ENTREP2: variants seen among roughly 807,000 people sequenced by gnomAD.
ENTREP2 encodes protein ENTREP2.
the ENTREP2 span, among the ~76,000 whole-genome samples, chr15:29,523,616 A>T: frequency 8.5e-6 from 1 of 117,866 alleles, no homozygotes; most frequent in Admixed American, 1.1e-4. Context: ...TTGATCCTGT[A>T]ATTCATACGG....
chr15:29,313,371 C>G, the ENTREP2 span, among the ~76,000 whole-genome samples: 1 of 152,198 alleles, frequency 6.6e-6, no homozygotes, highest in Non-Finnish European at 1.5e-5. Context: ...TGACGCCTGG[C>G]TTCAAAGCTT....
chr15:29,279,631 G>C, the ENTREP2 span, among the ~76,000 whole-genome samples: 1 of 152,048 alleles, frequency 6.6e-6, no homozygotes, highest in Non-Finnish European at 1.5e-5. Flanking sequence ...CCAAAGTGCT[G>C]GGATTACAGG....
the ENTREP2 span, among the ~76,000 whole-genome samples, chr15:29,290,266 C>A: frequency 6.6e-5 from 10 of 152,216 alleles, no homozygotes; most frequent in Non-Finnish European, 1.5e-4. Context: ...GCAGTCTGTT[C>A]CTTGAGTGTG....
At chr15:29,485,594 A>G in the ENTREP2 span, among the ~76,000 whole-genome samples, 1 of 152,216 alleles carries the variant, frequency 6.6e-6, no homozygotes, top group Admixed American at 6.5e-5. Context: ...AAACCATGAA[A>G]GGAAAGGCTG....
At chr15:29,173,022 T>C in the ENTREP2 span, among the ~76,000 whole-genome samples, 4 of 152,166 alleles carry the variant, frequency 2.6e-5, no homozygotes, top group African/African-American at 9.7e-5. Context: ...TTCTGCCTCA[T>C]TTCCACGGAG....
the ENTREP2 span, among the ~76,000 whole-genome samples, chr15:29,402,150 G>A: frequency 6.6e-6 from 1 of 152,012 alleles, no homozygotes; most frequent in African/African-American, 2.4e-5. Flanking sequence ...AAAGGATTAT[G>A]TATTTTGGAA....
the ENTREP2 span, among the ~76,000 whole-genome samples, chr15:29,520,703 A>C: frequency 2.1e-4 from 32 of 152,356 alleles, 1 homozygote; most frequent in South Asian, 6.6e-3. Flanking sequence ...CTAATAAGTG[A>C]GTTTAGGTTA....
the ENTREP2 span, among the ~76,000 whole-genome samples, chr15:29,149,906 G>T: frequency 6.6e-6 from 1 of 152,224 alleles, no homozygotes; most frequent in Non-Finnish European, 1.5e-5. Context: ...AAGCCAGGGT[G>T]TGAGGCAAAC....
the ENTREP2 span, among the ~76,000 whole-genome samples, chr15:29,461,378 T>C: frequency 3.9e-5 from 6 of 152,176 alleles, no homozygotes; most frequent in African/African-American, 1.4e-4. Context: ...GCCCAAAATA[T>C]CCCAATATTT....
chr15:29,147,375 T>G, the ENTREP2 span, among the ~76,000 whole-genome samples: 1 of 151,840 alleles, frequency 6.6e-6, no homozygotes, highest in East Asian at 1.9e-4. Context: ...TGGTTATAAT[T>G]AAAAGAAAGA....
At chr15:29,567,151 G>A in the ENTREP2 span, among the ~76,000 whole-genome samples, 647 of 152,246 alleles carry the variant, frequency 4.2e-3, 2 homozygotes, top group African/African-American at 0.015. Context: ...GCACAGCCCG[G>A]CACAGGAAAA....
the ENTREP2 span, among the ~76,000 whole-genome samples, chr15:29,580,911 C>T: frequency 7.0e-4 from 107 of 152,146 alleles, no homozygotes; most frequent in African/African-American, 2.5e-3. Context: ...AAAATGCTCC[C>T]CCTTTTAAGC....
At chr15:29,520,235 A>C in the ENTREP2 span, among the ~76,000 whole-genome samples, 5 of 152,248 alleles carry the variant, frequency 3.3e-5, no homozygotes, top group Non-Finnish European at 7.3e-5. Flanking sequence ...TACAACCTAC[A>C]AATTGAAGAA....
the ENTREP2 span, among the ~76,000 whole-genome samples, chr15:29,419,643 CAAAAG>C: frequency 1.3e-5 from 2 of 152,064 alleles, no homozygotes; most frequent in Non-Finnish European, 1.5e-5. Flanking sequence ...GCCATTTACA[CAAAAG>C]AAAAAGAAAC....
At chr15:29,477,153 C>T in the ENTREP2 span, among the ~76,000 whole-genome samples, 3 of 152,080 alleles carry the variant, frequency 2.0e-5, no homozygotes, top group Non-Finnish European at 4.4e-5. Context: ...AGATCAGACA[C>T]TAAATAATAC....
chr15:29,447,706 T>A, the ENTREP2 span, among the ~76,000 whole-genome samples: 1 of 150,930 alleles, frequency 6.6e-6, no homozygotes, highest in Admixed American at 6.6e-5. Flanking sequence ...CCCAAGCTGG[T>A]CTCGAACTCC....
the ENTREP2 span, among the ~76,000 whole-genome samples, chr15:29,318,446 G>A: frequency 5.9e-5 from 9 of 151,970 alleles, no homozygotes; most frequent in East Asian, 9.7e-4. Flanking sequence ...TCAGCCTCCC[G>A]AGTAGCTGGG....
the ENTREP2 span, among the ~76,000 whole-genome samples, chr15:29,389,027 T>C: frequency 2.0e-5 from 3 of 151,372 alleles, no homozygotes; most frequent in East Asian, 2.0e-4. Flanking sequence ...GACGAGTTAA[T>C]GGATGCAGCA....
At chr15:29,320,745 T>C in the ENTREP2 span, among the ~76,000 whole-genome samples, 1 of 152,124 alleles carries the variant, frequency 6.6e-6, no homozygotes, top group Non-Finnish European at 1.5e-5. Context: ...AAAATTGCCT[T>C]TGATGGGCTC....
Sources: gnomAD v4.1 joint callset for allele counts (sites outside exome capture counted in the v4.1 genomes callset) on GRCh38, gnomAD v4.1.1 for gene constraint, MANE v1.5 for transcripts, NCBI Gene and HGNC (gene_info 2026-07-23, HGNC 2026-07-21) for gene names.